The following LEPR variants were observed in gnomAD, a reference collection of about 807,000 sequenced individuals.
LEPR encodes leptin receptor, also known as OB receptor.
In LEPR, 56 loss-of-function variants were observed where a neutral mutation model predicts 114.7. The observed-to-expected ratio is 0.49, with a 90% CI of 0.39 to 0.61. The LOEUF is 0.61. LEPR is among the 20% of genes least tolerant of loss of function. The pLI is 0.00. For missense variants in LEPR, 1,202 were observed against 1,352.9 expected, an observed-to-expected ratio of 0.89 and a Z score of 1.75; for synonymous variants, 443 against 461.4, an observed-to-expected ratio of 0.96 and a Z score of 0.51.
Position 65,592,663 on chromosome 1 carries a change from A to C in LEPR, c.501A>C (p.Glu167Asp). The change falls in exon 6 of 20, where the codon GAA becomes GAC. Residue 167 changes from glutamate (E) to aspartate (D), a missense_variant. By Grantham distance (45) the Glu-to-Asp change is conservative (BLOSUM62 2). Coordinates refer to ENST00000349533, the MANE Select transcript of LEPR (RefSeq NM_002303.6). ...CTCTTATTTTTCAATATAGGCCTGAAGTGTTAGAAGATTCACCTCTGGTTC... is the reference window on the plus strand; with the variant it reads ...CTCTTATTTTTCAATATAGGCCTGACGTGTTAGAAGATTCACCTCTGGTTC... ...YKVHLLYVLP[E>D]VLEDSPLVPQ... is the part of the protein sequence containing the mutation. 4 of 1,612,886 alleles carry C rather than the reference A, an allele frequency of 2.5e-6. No individual in the cohort carries two copies. The highest frequency in any genetic ancestry group is 3.4e-6 in the Non-Finnish European group (4 of 1,179,220).
At chr1:65,535,871 C>A (rs1367958395) in intron 2 of LEPR, among the ~76,000 whole-genome samples, 3 of 152,178 alleles carry the variant, frequency 2.0e-5, no homozygotes, top group Admixed American at 2.0e-4. Flanking sequence ...TTAATACTTA[C>A]AATGTGCTTC....
At chr1:65,443,282 A>T (rs1180484749) in intron 2 of LEPR, among the ~76,000 whole-genome samples, 1 of 152,232 alleles carries the variant, frequency 6.6e-6, no homozygotes, top group East Asian at 1.9e-4. Context: ...CACTGGGCAC[A>T]GTGGCTTAAG....
intron 2 of LEPR, among the ~76,000 whole-genome samples, chr1:65,430,628 G>A (rs1332756057): frequency 1.3e-5 from 2 of 151,968 alleles, no homozygotes; most frequent in African/African-American, 2.4e-5. Flanking sequence ...CTCCAATTAC[G>A]TTCTATTTTA....
intron 10 of LEPR, among the ~76,000 whole-genome samples, chr1:65,602,821 A>G (rs1656531774): frequency 6.6e-6 from 1 of 152,096 alleles, no homozygotes; most frequent in Non-Finnish European, 1.5e-5. Context: ...TAGCGTTAGG[A>G]AAAAAATGTG....
At chr1:65,440,000 C>CAAAAAAAAAAAAAAA (rs550347312) in intron 2 of LEPR, among the ~76,000 whole-genome samples, 3 of 58,142 alleles carry the variant, frequency 5.2e-5, no homozygotes, top group Non-Finnish European at 8.7e-5. Flanking sequence ...GATTCTGTCT[C>CAAAAAAAAAAAAAAA]AAAAAAAAAA....
At chr1:65,498,427 T>C (rs1421462464) in intron 2 of LEPR, among the ~76,000 whole-genome samples, 2 of 152,136 alleles carry the variant, frequency 1.3e-5, no homozygotes, top group Non-Finnish European at 2.9e-5. Flanking sequence ...ACTTTTTTTT[T>C]CTGTAAATAC....
intron 2 of LEPR, among the ~76,000 whole-genome samples, chr1:65,564,116 T>G (rs1375805247): frequency 8.9e-5 from 13 of 145,936 alleles, no homozygotes; most frequent in South Asian, 2.3e-4. Context: ...GTTTACCTGA[T>G]CAAGCCTGGG....
intron 2 of LEPR, among the ~76,000 whole-genome samples, chr1:65,529,032 C>T (rs929482074): frequency 1.3e-5 from 2 of 150,266 alleles, no homozygotes; most frequent in Admixed American, 1.3e-4. Flanking sequence ...CCAGGATGGT[C>T]TCAATCTCCT....
intron 2 of LEPR, among the ~76,000 whole-genome samples, chr1:65,472,411 A>AACACACACACACACACACAC (rs71721804): frequency 0.017 from 2,281 of 133,162 alleles, 69 homozygotes; most frequent in African/African-American, 0.044. Context: ...CTGTGGCTAA[A>AACACACACACACACACACAC]ACACACACAC....
intron 2 of LEPR, chr1:65,434,902 C>G: frequency 1.0e-6 from 1 of 985,478 alleles, no homozygotes; most frequent in Non-Finnish European, 1.2e-6. Flanking sequence ...AAGCAGATCA[C>G]ACTTCATCAC....
chr1:65,429,637 T>C (rs1369687817), intron 2 of LEPR, among the ~76,000 whole-genome samples: 2 of 152,206 alleles, frequency 1.3e-5, no homozygotes, highest in Non-Finnish European at 2.9e-5. Flanking sequence ...GTATATATTA[T>C]ATAGTGGCTT....
chr1:65,550,024 T>A (rs2100710871), intron 2 of LEPR, among the ~76,000 whole-genome samples: 1 of 152,356 alleles, frequency 6.6e-6, no homozygotes, highest in South Asian at 2.1e-4. Flanking sequence ...TTAGTTTTCC[T>A]TTTAACAGAC....
At position 65,626,204 on chromosome 1, in the gene LEPR, C is replaced by T. The variant is rs115582663; in HGVS notation, c.2673+3223C>T. 2.0e-3 allele frequency: 3,123 copies of T among 1,598,612 alleles called. 49 individuals carry two copies. In the African/African-American group the frequency reaches 0.037, roughly 19 times the overall value. On this transcript the variant is annotated intron_variant, in intron 19 of 19. Transcript: ENST00000349533. ...TGTAGACTACGTCCTACCTCGCTGCCGCACCTGCTCTCCCTGAGGTGTGCA... is the reference window on the plus strand; with the variant it reads ...TGTAGACTACGTCCTACCTCGCTGCTGCACCTGCTCTCCCTGAGGTGTGCA...
At chr1:65,575,142 G>A (rs1228984102) in intron 5 of LEPR, among the ~76,000 whole-genome samples, 1 of 152,108 alleles carries the variant, frequency 6.6e-6, no homozygotes, top group Non-Finnish European at 1.5e-5. Flanking sequence ...AAGAATGGTA[G>A]GCAAAACAGG....
chr1:65,548,558 T>C (rs1178843963), intron 2 of LEPR, among the ~76,000 whole-genome samples: 2 of 152,200 alleles, frequency 1.3e-5, no homozygotes, highest in Non-Finnish European at 2.9e-5. Context: ...TTTACCATTA[T>C]GTAATGGCCT....
At chr1:65,518,995 CTTCT>C (rs55879020) in intron 2 of LEPR, among the ~76,000 whole-genome samples, 8 of 144,250 alleles carry the variant, frequency 5.5e-5, no homozygotes, top group African/African-American at 1.6e-4. Context: ...TCCTTCCTTC[CTTCT>C]TTCTTCTTTC....
At chr1:65,475,508 A>T (rs747992905) in intron 2 of LEPR, among the ~76,000 whole-genome samples, 2 of 152,150 alleles carry the variant, frequency 1.3e-5, no homozygotes, top group Non-Finnish European at 2.9e-5. Flanking sequence ...TCCACGTAGA[A>T]CCCTGGAGCT....
At chr1:65,447,534 CTTTTT>C (rs576747673) in intron 2 of LEPR, among the ~76,000 whole-genome samples, 1 of 135,628 alleles carries the variant, frequency 7.4e-6, no homozygotes, top group African/African-American at 2.7e-5. Flanking sequence ...TTTTTCTTTT[CTTTTT>C]TTTTTTTTTT....
chr1:65,624,635 C>T (rs1024576476), intron 19 of LEPR, among the ~76,000 whole-genome samples: 10 of 152,158 alleles, frequency 6.6e-5, no homozygotes, highest in Non-Finnish European at 1.0e-4. Context: ...ATGAAAGATA[C>T]GCAAAGCAGC....
Sources: gnomAD v4.1 joint callset for allele counts (sites outside exome capture counted in the v4.1 genomes callset) on GRCh38, gnomAD v4.1.1 for gene constraint, MANE v1.5 for transcripts, NCBI Gene and HGNC (gene_info 2026-07-23, HGNC 2026-07-21) for gene names.